Variants in ABLIM1 observed in about 807,000 individuals in gnomAD.
ABLIM1 encodes actin-binding LIM protein 1.
In ABLIM1, 40 loss-of-function variants were observed where a neutral mutation model predicts 107.0. The ratio of observed to expected loss-of-function variants is 0.37; its 90% CI spans 0.29 to 0.49. ABLIM1 has a LOEUF of 0.49. ABLIM1 is among the 20% of genes least tolerant of loss of function. The pLI is 0.97. For missense variants in ABLIM1, 857 were observed against 1,008.5 expected (o/e 0.85, Z 2.04); for synonymous variants, 357 against 357.3 (o/e 1.00, Z 0.01).
chr10:114,578,213 T>C (rs1223333264), intron 2 of ABLIM1, among the ~76,000 whole-genome samples: 2 of 152,206 alleles, frequency 1.3e-5, no homozygotes, highest in East Asian at 3.8e-4. Flanking sequence ...TAGACCCTGA[T>C]TTGTAGCTGT....
intron 6 of ABLIM1, chr10:114,527,034 G>C (rs1239896237): frequency 1.1e-6 from 1 of 932,722 alleles, no homozygotes; most frequent in African/African-American, 1.8e-5. Context: ...ATGCAGGTAG[G>C]AAAGTACCAT....
At chr10:114,697,531 C>T (rs1291356255) in intron 1 of ABLIM1, among the ~76,000 whole-genome samples, 1 of 152,230 alleles carries the variant, frequency 6.6e-6, no homozygotes, top group Admixed American at 6.5e-5. Flanking sequence ...GGGAGGAAAA[C>T]CTGCACAGCG....
chr10:114,484,652 G>A (rs1008558461), intron 8 of ABLIM1, among the ~76,000 whole-genome samples: 1 of 152,128 alleles, frequency 6.6e-6, no homozygotes, highest in Non-Finnish European at 1.5e-5. Flanking sequence ...CAAAGTGCTG[G>A]GATTACAGGC....
At chr10:114,631,667 C>A (rs573716942) in intron 1 of ABLIM1, among the ~76,000 whole-genome samples, 10 of 152,144 alleles carry the variant, frequency 6.6e-5, no homozygotes, top group South Asian at 2.1e-4. Context: ...GAGACATACA[C>A]CCCAGAGCTC....
intron 1 of ABLIM1, among the ~76,000 whole-genome samples, chr10:114,765,730 A>G (rs146493741): frequency 2.0e-4 from 31 of 152,242 alleles, no homozygotes; most frequent in African/African-American, 6.8e-4. Context: ...AAAGTGCTGC[A>G]TAAAAAGATA....
At chr10:114,668,232 A>G (rs2080106086) in intron 1 of ABLIM1, among the ~76,000 whole-genome samples, 1 of 152,190 alleles carries the variant, frequency 6.6e-6, no homozygotes. Flanking sequence ...AAGAACACCC[A>G]GCCTGGGAGG....
intron 12 of ABLIM1, among the ~76,000 whole-genome samples, chr10:114,463,933 T>C (rs1217497519): frequency 6.6e-6 from 1 of 152,114 alleles, no homozygotes; most frequent in South Asian, 2.1e-4. Context: ...ATACATGTAA[T>C]ATATTGTGAA....
At chr10:114,669,815 G>A (rs1240623617) in intron 1 of ABLIM1, among the ~76,000 whole-genome samples, 1 of 152,126 alleles carries the variant, frequency 6.6e-6, no homozygotes, top group Non-Finnish European at 1.5e-5. Flanking sequence ...GTGGCGGGAG[G>A]GAAGGGGGAT....
chr10:114,465,978 T>C, intron 11 of ABLIM1, 151 bp from the exon 12 acceptor site: 1 of 922,226 alleles, frequency 1.1e-6, no homozygotes, highest in Non-Finnish European at 1.6e-6. Flanking sequence ...TTGCAGGTAT[T>C]TTATATGCAA....
chr10:114,730,397 C>CAAA (rs59713925), intron 1 of ABLIM1, among the ~76,000 whole-genome samples: 37 of 72,896 alleles, frequency 5.1e-4, no homozygotes, highest in East Asian at 9.9e-4. Flanking sequence ...AACTCCATCT[C>CAAA]AAAAAAAAAA....
At chr10:114,620,808 A>C (rs545622121) in intron 1 of ABLIM1, among the ~76,000 whole-genome samples, 1 of 152,326 alleles carries the variant, frequency 6.6e-6, no homozygotes, top group Admixed American at 6.5e-5. Context: ...CTGCTCTTGA[A>C]AACTGCAAGG....
intron 1 of ABLIM1, among the ~76,000 whole-genome samples, chr10:114,620,060 A>G (rs1471267600): frequency 2.0e-5 from 3 of 152,214 alleles, no homozygotes; most frequent in African/African-American, 4.8e-5. Flanking sequence ...CCACAGAAGT[A>G]CCTTATTCTG....
intron 1 of ABLIM1, among the ~76,000 whole-genome samples, chr10:114,644,841 C>T (rs1233151840): frequency 6.6e-6 from 1 of 152,106 alleles, no homozygotes. Context: ...ACCAAAGTCC[C>T]AAGGGACAGA....
intron 6 of ABLIM1, among the ~76,000 whole-genome samples, chr10:114,493,060 A>G (rs1369208932): frequency 6.6e-6 from 1 of 152,220 alleles, no homozygotes; most frequent in Non-Finnish European, 1.5e-5. Flanking sequence ...CTTTTTATTT[A>G]TTTGTAAAAT....
chr10:114,469,544 C>G (rs1436271586), intron 10 of ABLIM1, among the ~76,000 whole-genome samples: 1 of 152,234 alleles, frequency 6.6e-6, no homozygotes, highest in Non-Finnish European at 1.5e-5. Flanking sequence ...CACTGTCACA[C>G]AGCATCTCCG....
intron 1 of ABLIM1, among the ~76,000 whole-genome samples, chr10:114,759,749 C>A (rs1366330670): frequency 6.6e-6 from 1 of 152,034 alleles, no homozygotes; most frequent in Admixed American, 6.6e-5. Flanking sequence ...TCTTTTAAGG[C>A]CAAGGAATAC....
the ABLIM1 span, among the ~76,000 whole-genome samples, chr10:114,790,492 G>T: frequency 6.6e-6 from 1 of 152,136 alleles, no homozygotes; most frequent in Non-Finnish European, 1.5e-5. Flanking sequence ...GTGTTTCTTT[G>T]GCTATATAAT....
At chr10:114,784,074 G>A in the ABLIM1 span, among the ~76,000 whole-genome samples, 4 of 151,684 alleles carry the variant, frequency 2.6e-5, no homozygotes, top group Admixed American at 1.3e-4. Context: ...TGGGCCGGGC[G>A]CAGTGGCTCA....
chr10:114,632,592 A>G (rs755703494), intron 1 of ABLIM1: 37 of 985,424 alleles, frequency 3.8e-5, no homozygotes, highest in Non-Finnish European at 4.5e-5. Flanking sequence ...CCCCGCTATA[A>G]TTTACCTGAA....
Sources: gnomAD v4.1 joint callset for allele counts (sites outside exome capture counted in the v4.1 genomes callset) on GRCh38, gnomAD v4.1.1 for gene constraint, MANE v1.5 for transcripts, NCBI Gene and HGNC (gene_info 2026-07-23, HGNC 2026-07-21) for gene names.